Variants in TRDN observed in about 807,000 individuals in gnomAD.
TRDN encodes triadin.
Under a neutral mutation model 149.7 loss-of-function variants are expected in TRDN, and 161 were observed. The ratio of observed to expected loss-of-function variants is 1.08; its 90% confidence interval spans 0.95 to 1.23. TRDN has a LOEUF of 1.23. Ranked by LOEUF, TRDN falls within the 50% of genes most tolerant of loss-of-function variation. TRDN has a pLI of 0.00. For missense variants in TRDN, 896 were observed against 823.5 expected (o/e 1.09, Z -1.08); for synonymous variants, 294 against 250.5 (o/e 1.17, Z -1.64).
intron 33 of TRDN, 89 bp from the exon 34 acceptor site, chr6:123,260,727 G>T: frequency 9.5e-7 from 1 of 1,054,028 alleles, no homozygotes. Context: ...GCAAACAATT[G>T]AAACTTATCT....
Position 123,594,410 on chromosome 6 carries a change from T to C in TRDN, c.23-23278A>G, listed in dbSNP as rs573676786. Among the ~76,000 whole-genome samples, 78 of 152,146 alleles carry C rather than the reference T, an allele frequency of 5.1e-4. 1 individual carries two copies. The South Asian group carries it at 7.1e-3, about 14-fold the overall frequency. On this transcript the variant is annotated intron_variant, in intron 1 of 40. Coordinates refer to ENST00000334268, the MANE Select transcript of TRDN (RefSeq NM_006073.4). Reference sequence around the variant, plus strand: ...AAGGCACTAACTCTCTTCAATTCTGTGAAGGATAGAGCTTTCAGAGAAAGC... The same window carrying C: ...AAGGCACTAACTCTCTTCAATTCTGCGAAGGATAGAGCTTTCAGAGAAAGC...
intron 1 of TRDN, among the ~76,000 whole-genome samples, chr6:123,620,783 A>G (rs9490835): frequency 0.055 from 8,370 of 152,250 alleles, 244 homozygotes; most frequent in Non-Finnish European, 0.058. Flanking sequence ...ATCTAAAAGC[A>G]GGAAGAATAG....
intron 23 of TRDN, among the ~76,000 whole-genome samples, chr6:123,330,381 C>T (rs1463694217): frequency 2.0e-5 from 3 of 151,690 alleles, no homozygotes; most frequent in Admixed American, 6.6e-5. Context: ...TTTTTCTTAC[C>T]TTTCTCAATT....
chr6:123,382,114 G>T lies in TRDN; in HGVS notation c.1165+4C>A. ...AGGCAGAAAAAAAGAAATATGTCCA[G>T]TACCTTCTGCAGGTTTTTTTGTTTT... On this transcript the variant is annotated splice_donor_region_variant and intron_variant, in intron 15 of 40. Transcript: ENST00000334268. The T allele has an allele frequency of 6.7e-7, 1 of 1,492,370 alleles. No individual in the cohort carries two copies. Among genetic ancestry groups the T allele is most frequent in the Non-Finnish European group, 8.9e-7 (1 of 1,120,142 alleles). 92.4% of individuals were successfully genotyped at this position (1,492,370 alleles called of 1,614,324 possible).
intron 20 of TRDN, among the ~76,000 whole-genome samples, chr6:123,365,230 A>AT (rs1418773408): frequency 8.5e-5 from 13 of 152,170 alleles, no homozygotes; most frequent in African/African-American, 2.7e-4. Flanking sequence ...TACAGTTCAT[A>AT]TTTTTCTTAA....
chr6:123,516,900 C>T (rs766699076), intron 5 of TRDN, among the ~76,000 whole-genome samples: 6 of 152,138 alleles, frequency 3.9e-5, no homozygotes, highest in South Asian at 2.1e-4. Flanking sequence ...TCATTCACCA[C>T]GCTCTTTCAA....
intron 20 of TRDN, among the ~76,000 whole-genome samples, chr6:123,363,791 A>C (rs956723261): frequency 1.3e-5 from 2 of 152,260 alleles, no homozygotes; most frequent in East Asian, 3.9e-4. Context: ...TCAACCCCAT[A>C]CTATGTGAGC....
At chr6:123,500,433 T>A (rs1412768187) in intron 8 of TRDN, among the ~76,000 whole-genome samples, 1 of 152,134 alleles carries the variant, frequency 6.6e-6, no homozygotes. Flanking sequence ...AACCAAGCCT[T>A]CCTGATTTTG....
intron 38 of TRDN, among the ~76,000 whole-genome samples, chr6:123,248,833 A>G (rs1367549347): frequency 6.6e-6 from 1 of 152,162 alleles, no homozygotes; most frequent in Non-Finnish European, 1.5e-5. Context: ...ATTCCAAGAA[A>G]TTAATGAGGT....
intron 14 of TRDN, among the ~76,000 whole-genome samples, chr6:123,384,711 G>A (rs763703671): frequency 2.0e-5 from 3 of 151,968 alleles, no homozygotes; most frequent in South Asian, 2.1e-4. Flanking sequence ...TGAAGTCCAG[G>A]GTCAGGCAAA....
At chr6:123,268,622 T>G (rs1777096508) in intron 31 of TRDN, among the ~76,000 whole-genome samples, 2 of 152,060 alleles carry the variant, frequency 1.3e-5, no homozygotes, top group South Asian at 4.1e-4. Flanking sequence ...AATTTGGAGT[T>G]TCTCTAAACT....
At chr6:123,379,412 T>C (rs374953114) in intron 16 of TRDN, among the ~76,000 whole-genome samples, 36 of 152,296 alleles carry the variant, frequency 2.4e-4, no homozygotes, top group African/African-American at 8.4e-4. Flanking sequence ...TTAAACAAAA[T>C]GAGAACATTA....
At chr6:123,307,617 G>T (rs951374894) in intron 24 of TRDN, among the ~76,000 whole-genome samples, 1 of 151,756 alleles carries the variant, frequency 6.6e-6, no homozygotes, top group Non-Finnish European at 1.5e-5. Context: ...AGGATGACAG[G>T]GTTTTTGGTA....
chr6:123,636,709 TA>T (rs1303688039), intron 1 of TRDN, 44 bp downstream of exon 1: 2 of 1,607,448 alleles, frequency 1.2e-6, no homozygotes, highest in Non-Finnish European at 1.7e-6. Flanking sequence ...TCGATTTGCA[TA>T]TTTTTTTTCC....
chr6:123,283,669 C>T (rs1246185043), intron 24 of TRDN, among the ~76,000 whole-genome samples: 1 of 151,282 alleles, frequency 6.6e-6, no homozygotes, highest in African/African-American at 2.4e-5. Flanking sequence ...CTACTATGAA[C>T]ACCTTTACAC....
chr6:123,529,469 C>A, intron 5 of TRDN: 3 of 1,019,668 alleles, frequency 2.9e-6, no homozygotes, highest in Non-Finnish European at 4.5e-6. Context: ...GACATAATAT[C>A]TGTAGAATGA....
intron 21 of TRDN, 146 bp from the exon 22 acceptor site, chr6:123,337,815 T>TC: frequency 6.0e-6 from 3 of 501,576 alleles, no homozygotes; most frequent in Non-Finnish European, 1.1e-5. Context: ...CAGGCATATG[T>TC]TGTCTATAAG....
At chr6:123,313,423 A>G (rs1421792854) in intron 24 of TRDN, among the ~76,000 whole-genome samples, 2 of 151,862 alleles carry the variant, frequency 1.3e-5, no homozygotes, top group Non-Finnish European at 2.9e-5. Context: ...TTGTGGGCTT[A>G]TTTACCTTCA....
intron 21 of TRDN, chr6:123,351,023 T>C (rs1221726097): frequency 1.0e-6 from 1 of 973,432 alleles, no homozygotes; most frequent in African/African-American, 1.8e-5. Flanking sequence ...ATTGTCTGTT[T>C]GGTACTATTA....
Sources: gnomAD v4.1 joint callset for allele counts (sites outside exome capture counted in the v4.1 genomes callset) on GRCh38, gnomAD v4.1.1 for gene constraint, MANE v1.5 for transcripts, NCBI Gene and HGNC (gene_info 2026-07-23, HGNC 2026-07-21) for gene names.